SLC30A4: variants seen among roughly 807,000 people sequenced by gnomAD.
SLC30A4 encodes solute carrier family 30 member 4.
A neutral mutation model predicts 41.7 loss-of-function variants in SLC30A4; 20 were observed. The ratio of observed to expected loss-of-function variants is 0.48; its 90% CI spans 0.34 to 0.70. The LOEUF (loss-of-function observed/expected upper bound fraction) is 0.70, where lower values mean the gene tolerates loss of function less well. SLC30A4 is among the 30% of genes least tolerant of loss of function. The pLI is 0.01. For synonymous variants in SLC30A4, 181 were observed against 195.9 expected, an observed-to-expected ratio of 0.92 and a Z score of 0.64; for missense variants, 441 against 529.3, an observed-to-expected ratio of 0.83 and a Z score of 1.64.
At chr15:45,499,011 C>T (rs1891960683) in intron 3 of SLC30A4, among the ~76,000 whole-genome samples, 1 of 152,008 alleles carries the variant, frequency 6.6e-6, no homozygotes, top group African/African-American at 2.4e-5. Context: ...AGGGTTTCTG[C>T]TCAGTAAAAC....
intron 3 of SLC30A4, 127 bp from the exon 4 acceptor site, chr15:45,491,008 G>T: frequency 1.7e-6 from 1 of 580,592 alleles, no homozygotes; most frequent in Non-Finnish European, 2.8e-6. Context: ...TATTGTTTCT[G>T]TCACGTCATT....
intron 3 of SLC30A4, among the ~76,000 whole-genome samples, chr15:45,503,737 G>A (rs1054140852): frequency 2.6e-5 from 4 of 151,832 alleles, no homozygotes; most frequent in African/African-American, 4.8e-5. Context: ...ACCTGAGGTC[G>A]GGAGTTCAAG....
chr15:45,488,564 C>T (rs938033794), intron 5 of SLC30A4, among the ~76,000 whole-genome samples: 3 of 151,716 alleles, frequency 2.0e-5, no homozygotes, highest in African/African-American at 7.3e-5. Context: ...GAAAGTGAGA[C>T]TCTGTCTCAA....
intron 2 of SLC30A4, 90 bp downstream of exon 2, chr15:45,521,874 A>G: frequency 7.5e-7 from 1 of 1,328,320 alleles, no homozygotes; most frequent in Admixed American, 2.2e-5. Flanking sequence ...TCCTGAAAAG[A>G]TGGGTTAAAC....
chr15:45,500,662 A>ATC (rs879416249), intron 3 of SLC30A4, among the ~76,000 whole-genome samples: 237 of 123,406 alleles, frequency 1.9e-3, no homozygotes, highest in Non-Finnish European at 2.7e-3. Context: ...CTATCTATCT[A>ATC]TATGTTTTTG....
At position 45,481,310 on chromosome 15, in the gene SLC30A4, A is replaced by G. The variant is rs1012179640; in HGVS notation, c.*3853T>C. 21 of 152,254 alleles carry G rather than the reference A, an allele frequency of 1.4e-4. No individual in the cohort carries two copies. The highest frequency in any genetic ancestry group is 4.8e-4 in the African/African-American group (20 of 41,470). 9.4% of individuals were successfully genotyped at this position (152,254 alleles called of 1,614,324 possible). On this transcript the variant is annotated 3_prime_UTR_variant, in exon 8 of 8. Coordinates refer to ENST00000261867, the MANE Select transcript of SLC30A4 (RefSeq NM_013309.6). ...TAATGGAAATGTATGTAGGAATTAC[A>G]ATAGCTTCCAGTTCTGCATATCAAA... is the stretch of plus-strand genomic sequence containing the variant.
At chr15:45,500,630 A>G (rs1043416267) in intron 3 of SLC30A4, among the ~76,000 whole-genome samples, 13 of 127,972 alleles carry the variant, frequency 1.0e-4, no homozygotes, top group Middle Eastern at 3.5e-3. Context: ...CTATCTATCT[A>G]TCTATCTATC....
chr15:45,494,412 C>A (rs1035492659), intron 3 of SLC30A4, among the ~76,000 whole-genome samples: 2 of 152,104 alleles, frequency 1.3e-5, no homozygotes, highest in African/African-American at 2.4e-5. Flanking sequence ...AGGCTGGGTG[C>A]GGTAGCTCAT....
At chr15:45,517,273 C>T (rs1280648070) in intron 2 of SLC30A4, among the ~76,000 whole-genome samples, 2 of 151,142 alleles carry the variant, frequency 1.3e-5, no homozygotes, top group African/African-American at 4.9e-5. Flanking sequence ...ACACTCATCT[C>T]TCTCTACCTT....
intron 3 of SLC30A4, among the ~76,000 whole-genome samples, chr15:45,494,172 A>AT (rs1891863436): frequency 6.6e-6 from 1 of 152,172 alleles, no homozygotes; most frequent in South Asian, 2.1e-4. Context: ...TTTATGGATG[A>AT]TTTTTTAGAA....
rs570234335 is a variant in SLC30A4 at position 45,522,430 on chromosome 15, G to T, written c.-76C>A. ...CCGGCGGCGCCTACTTCACCGGAGC[G>T]CCAGTTCTCGAGGGCAGTGCCGCGC... On this transcript the variant is annotated 5_prime_UTR_variant, in exon 2 of 8. Transcript: ENST00000261867. The T allele has an allele frequency of 5.9e-4, 843 of 1,421,166 alleles. 1 individual carries two copies. The highest frequency in any genetic ancestry group is 7.3e-4 in the Non-Finnish European group (773 of 1,066,038). The allele number at this position is 1,421,166 out of a possible 1,614,324, so 88.0% of individuals were successfully genotyped here.
rs965823516 is a variant in SLC30A4, at chr15:45,484,603, A to G, written c.*560T>C. On this transcript the variant is annotated 3_prime_UTR_variant, in exon 8 of 8. Coordinates refer to ENST00000261867, the MANE Select transcript of SLC30A4 (RefSeq NM_013309.6). Reference sequence around the variant, plus strand: ...AAGTATAATCATAACAATAACATTAAGACTTATGTGTGAAATAAAACATTT... The same window carrying G: ...AAGTATAATCATAACAATAACATTAGGACTTATGTGTGAAATAAAACATTT... 6.6e-6 allele frequency: 1 copy of G among 152,282 alleles called. No homozygotes were observed. Among genetic ancestry groups the G allele is most frequent in the Non-Finnish European group, 1.5e-5 (1 of 68,084 alleles). The allele number at this position is 152,282 out of a possible 1,614,324, so 9.4% of individuals were successfully genotyped here.
chr15:45,504,166 A>G (rs1892101015), intron 3 of SLC30A4, among the ~76,000 whole-genome samples: 1 of 152,342 alleles, frequency 6.6e-6, no homozygotes. Flanking sequence ...TAAACTGTAC[A>G]GAAAGAACTA....
Position 45,485,072 on chromosome 15 carries a change from G to T in SLC30A4, c.*91C>A. ...TGCTTGATACGGACACAGCTGTCAGGGATTCCATTTTCTCATTTAGGTTTG... is the reference window on the plus strand; with the variant it reads ...TGCTTGATACGGACACAGCTGTCAGTGATTCCATTTTCTCATTTAGGTTTG... On this transcript the variant is annotated 3_prime_UTR_variant, in exon 8 of 8. Coordinates refer to ENST00000261867, the MANE Select transcript of SLC30A4 (RefSeq NM_013309.6). 1.0e-6 allele frequency: 1 copy of T among 970,084 alleles called. No homozygotes were observed. Among genetic ancestry groups the T allele is most frequent in the East Asian group, 2.6e-5 (1 of 39,010 alleles). 60.1% of individuals were successfully genotyped at this position (970,084 alleles called of 1,614,324 possible).
intron 3 of SLC30A4, among the ~76,000 whole-genome samples, chr15:45,503,257 A>C (rs986509060): frequency 6.6e-6 from 1 of 152,228 alleles, no homozygotes; most frequent in Non-Finnish European, 1.5e-5. Context: ...ACAGGACAAA[A>C]GAAGACCTGA....
At chr15:45,489,929 A>G (rs1378542606) in intron 4 of SLC30A4, among the ~76,000 whole-genome samples, 1 of 152,030 alleles carries the variant, frequency 6.6e-6, no homozygotes, top group Non-Finnish European at 1.5e-5. Context: ...ATTTGTTTAC[A>G]TGCTAAGTGT....
Position 45,522,080 on chromosome 15 carries a change from A to G in SLC30A4, c.275T>C (p.Val92Ala). ...TTTGCTGCAGTTGTCACAGGAGTCC[A>G]CCTTCAAACTCAGCTGACTGTTGGT... ...PLTNSQLSLK[V>A]DSCDNCSKQR... Residue 92 changes from valine to alanine, a missense_variant, in exon 2 of 8, where the codon GTG (valine) becomes GCG (alanine). This residue lies in a region of SLC30A4 where 312 missense variants were observed against 341.9 expected (regional missense o/e 0.91). Coordinates refer to ENST00000261867, the MANE Select transcript of SLC30A4 (RefSeq NM_013309.6). 1 of 1,614,182 alleles carries G rather than the reference A, an allele frequency of 6.2e-7. No homozygotes were observed. The highest frequency in any genetic ancestry group is 8.5e-7 in the Non-Finnish European group (1 of 1,180,036).
chr15:45,498,736 T>A (rs898048631), intron 3 of SLC30A4, among the ~76,000 whole-genome samples: 1 of 152,220 alleles, frequency 6.6e-6, no homozygotes, highest in African/African-American at 2.4e-5. Context: ...TCTTTTCCTA[T>A]AGATGTTTAT....
Position 45,521,993 on chromosome 15 carries a change from T to C in SLC30A4, c.362A>G (p.Tyr121Cys). 2 of 1,614,210 alleles carry C rather than the reference T, an allele frequency of 1.2e-6. No homozygotes were observed. The highest frequency in any genetic ancestry group is 1.7e-6 in the Non-Finnish European group (2 of 1,180,020). ...AAGTTCTCCAATCATGAAAAGCAAG[T>C]ACAGAACGGCAGCAATGGTCAACCT... ...KARLTIAAVLYLLFMIGELVG... is the reference protein window; with the variant it reads ...KARLTIAAVLCLLFMIGELVG... Residue 121 changes from tyrosine (Y) to cysteine (C), a missense_variant, in exon 2 of 8, where the codon TAC (tyrosine) becomes TGC (cysteine). Tyr to Cys is a radical substitution (Grantham distance 194, BLOSUM62 -2). This residue lies in a region of SLC30A4 where 312 missense variants were observed against 341.9 expected (regional missense o/e 0.91). Coordinates refer to ENST00000261867, the MANE Select transcript of SLC30A4 (RefSeq NM_013309.6).
Sources: allele counts gnomAD v4.1 joint callset (sites outside exome capture counted in the v4.1 genomes callset), GRCh38; gene constraint gnomAD v4.1.1; regional missense constraint gnomAD v4.1.1; transcripts MANE v1.5; gene names NCBI Gene and HGNC (gene_info 2026-07-23, HGNC 2026-07-21).